Variants in FANCC observed in about 807,000 individuals in gnomAD.
The protein encoded by FANCC is Fanconi anemia group C protein.
A neutral mutation model predicts 71.3 loss-of-function variants in FANCC; 55 were observed. The ratio of observed to expected loss-of-function variants is 0.77; its 90% CI spans 0.62 to 0.97. The LOEUF is 0.97. Ranked by LOEUF, FANCC falls within the 50% of genes least tolerant of loss-of-function variation. The pLI is 0.00. For missense variants in FANCC, 678 were observed against 670.9 expected (o/e 1.01, Z -0.12); for synonymous variants, 275 against 244.9 (o/e 1.12, Z -1.15).
At chr9:95,193,640 T>A (rs969568276) in intron 4 of FANCC, among the ~76,000 whole-genome samples, 6 of 152,072 alleles carry the variant, frequency 3.9e-5, no homozygotes, top group Non-Finnish European at 5.9e-5. Context: ...GAAGATGACA[T>A]TGGAAACTGA....
At chr9:95,303,931 C>T (rs1834913018) in intron 1 of FANCC, among the ~76,000 whole-genome samples, 1 of 152,058 alleles carries the variant, frequency 6.6e-6, no homozygotes, top group Non-Finnish European at 1.5e-5. Context: ...AACGAAAAGA[C>T]AGGAGTTTCC....
At chr9:95,290,866 A>G (rs1029657288) in intron 1 of FANCC, among the ~76,000 whole-genome samples, 1 of 152,220 alleles carries the variant, frequency 6.6e-6, no homozygotes, top group East Asian at 1.9e-4. Flanking sequence ...ACACATAAAA[A>G]AAGATCACAT....
chr9:95,109,398 T>C (rs1206108389), intron 13 of FANCC, among the ~76,000 whole-genome samples: 2 of 152,224 alleles, frequency 1.3e-5, no homozygotes, highest in Admixed American at 6.5e-5. Context: ...CCCAGGGTAA[T>C]TCCTAGAAGT....
At chr9:95,292,926 C>G (rs1834142401) in intron 1 of FANCC, 1 of 1,580,902 alleles carries the variant, frequency 6.3e-7, no homozygotes, top group Non-Finnish European at 8.7e-7. Context: ...ATGCGGCTGT[C>G]CCTACGCCAG....
At chr9:95,303,800 G>A (rs558356728) in intron 1 of FANCC, among the ~76,000 whole-genome samples, 25 of 152,174 alleles carry the variant, frequency 1.6e-4, no homozygotes, top group Non-Finnish European at 3.2e-4. Context: ...TTCAACTTAT[G>A]AATGGGGGAG....
At chr9:95,262,743 C>T (rs988260795) in intron 1 of FANCC, among the ~76,000 whole-genome samples, 1 of 152,162 alleles carries the variant, frequency 6.6e-6, no homozygotes, top group Non-Finnish European at 1.5e-5. Flanking sequence ...AAAGGATACA[C>T]GAAGTGTGGC....
At position 95,249,355 on chromosome 9, in the gene FANCC, C is replaced by T. The variant is rs1343004289; in HGVS notation, c.-64G>A. On this transcript the variant is annotated 5_prime_UTR_variant, in exon 2 of 15. Transcript: ENST00000289081. ...CCTGTCCAGCACTGAAGGAAATGGT[C>T]GGCACACATTAAATCTGTAAGAAAG... 9 of 1,496,120 alleles carry T rather than the reference C, an allele frequency of 6.0e-6. No homozygotes were observed. Among genetic ancestry groups the T allele is most frequent in the East Asian group, 4.5e-5 (2 of 44,032 alleles). The allele number at this position is 1,496,120 out of a possible 1,614,324, so 92.7% of individuals were successfully genotyped here.
chr9:95,250,437 A>G (rs1320035738), intron 1 of FANCC, among the ~76,000 whole-genome samples: 2 of 152,214 alleles, frequency 1.3e-5, no homozygotes, highest in Non-Finnish European at 2.9e-5. Flanking sequence ...ACGACTGTAC[A>G]ATTTGGCTGC....
chr9:95,283,413 G>A (rs534873677), intron 1 of FANCC, among the ~76,000 whole-genome samples: 1 of 152,192 alleles, frequency 6.6e-6, no homozygotes, highest in East Asian at 1.9e-4. Context: ...TGCCATTTCT[G>A]CAACATTCAG....
At chr9:95,249,419 G>C in intron 1 of FANCC, 50 bp from the exon 2 acceptor site, 2 of 898,974 alleles carry the variant, frequency 2.2e-6, no homozygotes, top group South Asian at 2.8e-5. Context: ...TCTTTTATCA[G>C]TGCCTTCACG....
At chr9:95,242,077 C>T (rs995912167) in intron 3 of FANCC, among the ~76,000 whole-genome samples, 4 of 152,162 alleles carry the variant, frequency 2.6e-5, no homozygotes, top group African/African-American at 9.7e-5. Flanking sequence ...ATTTTTAAAC[C>T]CATTTTTTTC....
intron 1 of FANCC, among the ~76,000 whole-genome samples, chr9:95,263,547 T>C (rs1219859676): frequency 6.7e-6 from 1 of 150,112 alleles, no homozygotes; most frequent in African/African-American, 2.4e-5. Context: ...GATAGATAGA[T>C]AGATAGATAG....
chr9:95,127,824 C>T (rs1217455738), intron 8 of FANCC, among the ~76,000 whole-genome samples: 3 of 152,252 alleles, frequency 2.0e-5, no homozygotes, highest in Admixed American at 6.5e-5. Context: ...CATCTAGCGT[C>T]CACTGGTCAG....
chr9:95,107,593 A>C, intron 13 of FANCC: 1 of 444,972 alleles, frequency 2.2e-6, no homozygotes, highest in Non-Finnish European at 4.1e-6. Flanking sequence ...AAAAGAACAA[A>C]AGGCTCCTTG....
intron 7 of FANCC, among the ~76,000 whole-genome samples, chr9:95,140,476 A>C (rs1028528646): frequency 6.6e-6 from 1 of 151,634 alleles, no homozygotes; most frequent in African/African-American, 2.4e-5. Context: ...ATAGCTACAA[A>C]AAAACAAAAC....
At chr9:95,179,041 G>C (rs1014603759) in intron 4 of FANCC, among the ~76,000 whole-genome samples, 1 of 152,148 alleles carries the variant, frequency 6.6e-6, no homozygotes, top group Non-Finnish European at 1.5e-5. Flanking sequence ...AACCATAATA[G>C]AGATTTCGCT....
chr9:95,261,727 A>G lies in FANCC; in HGVS notation c.-78-12358T>C, dbSNP rs140651615. Among the ~76,000 whole-genome samples the G allele has an allele frequency of 1.2e-3, 188 of 152,356 alleles. 2 individuals are homozygous for G. Among genetic ancestry groups the G allele is most frequent in the African/African-American group, 4.4e-3 (183 of 41,578 alleles). ...ATTTCCAGGAGAAAATAAAGAAATTAAATAAAGACCTTCAGAAATTCCTAT... is the reference window on the plus strand; with the variant it reads ...ATTTCCAGGAGAAAATAAAGAAATTGAATAAAGACCTTCAGAAATTCCTAT... On this transcript the variant is annotated intron_variant, in intron 1 of 14. Coordinates refer to ENST00000289081, the MANE Select transcript of FANCC (RefSeq NM_000136.3).
In FANCC at chr9:95,101,737, C is replaced by G. The variant is rs1588007971; in HGVS notation, c.1647G>C (p.Glu549Asp). The part of the protein sequence containing the change: ...ESPRSEKLAR[E>D]LLKELRTQV ...CTTGAGTTCGCAGCTCTTTAAGGAG[C>G]TCTCGGGCCAGTTTTTCTGATCTAG... is the stretch of plus-strand genomic sequence containing the variant. Residue 549 changes from glutamate to aspartate, a missense_variant, in exon 15 of 15, where the codon GAG becomes GAC. Physicochemically the swap from Glu to Asp is conservative, Grantham distance 45. Coordinates refer to ENST00000289081, the MANE Select transcript of FANCC (RefSeq NM_000136.3). 2.5e-6 allele frequency: 4 copies of G among 1,614,116 alleles called. No individual in the cohort carries two copies. The East Asian group carries it at 8.9e-5, about 36-fold the overall frequency.
At chr9:95,166,867 G>C (rs1831097152) in intron 6 of FANCC, among the ~76,000 whole-genome samples, 1 of 151,960 alleles carries the variant, frequency 6.6e-6, no homozygotes, top group Non-Finnish European at 1.5e-5. Context: ...ATAAGATTTT[G>C]TGTTTGTCTG....
Sources: gnomAD v4.1 joint callset for allele counts (sites outside exome capture counted in the v4.1 genomes callset) on GRCh38, gnomAD v4.1.1 for gene constraint, MANE v1.5 for transcripts, NCBI Gene and HGNC (gene_info 2026-07-23, HGNC 2026-07-21) for gene names.